The following ITPR2 variants were observed in gnomAD, a reference collection of about 807,000 sequenced individuals.
ITPR2 encodes the protein inositol 1,4,5-trisphosphate receptor type 2.
ITPR2 carries 207 observed loss-of-function variants against 317.1 expected under a neutral mutation model. That is an observed-to-expected ratio of 0.65 (90% CI 0.58 to 0.73). The LOEUF (loss-of-function observed/expected upper bound fraction) is 0.73, where lower values mean the gene tolerates loss of function less well. ITPR2 is among the 30% of genes least tolerant of loss of function. The pLI is 0.00. For synonymous variants in ITPR2, 1,156 were observed against 1,149.1 expected (o/e 1.01, Z -0.12); for missense variants, 2,613 against 3,284.0 (o/e 0.80, Z 4.99).
At chr12:26,396,543 T>A (rs373699464) in intron 54 of ITPR2, among the ~76,000 whole-genome samples, 1 of 152,206 alleles carries the variant, frequency 6.6e-6, no homozygotes, top group East Asian at 1.9e-4. Flanking sequence ...GTTGTTGGTG[T>A]GTGCTCCTCT....
chr12:26,788,555 T>G (rs1026122258), intron 2 of ITPR2, among the ~76,000 whole-genome samples: 1 of 152,186 alleles, frequency 6.6e-6, no homozygotes, highest in Non-Finnish European at 1.5e-5. Context: ...TTATTTACCA[T>G]CACTACTCTG....
In ITPR2 at chr12:26,580,139, GT is replaced by G. The variant is rs1396102841; in HGVS notation, c.4396del (p.Thr1466GlnfsTer18). On this transcript the variant is annotated frameshift_variant, in exon 33 of 57. Transcript: ENST00000381340. LOFTEE classifies it high-confidence loss of function. ...AAAGATGTCTGCATGTTTCCTGTCT[GT>G]AGTTGTGTTGCAAACCTGGAGAGAA... ...VDMARVCNTT[T>X]DRKHADIFLE... is the part of the protein sequence containing the mutation. 1 of 1,611,528 alleles carries G rather than the reference GT, an allele frequency of 6.2e-7. No homozygotes were observed. The highest frequency in any genetic ancestry group is 1.1e-5 in the South Asian group (1 of 90,654).
chr12:26,473,787 A>C (rs1256065425), intron 45 of ITPR2, among the ~76,000 whole-genome samples: 2 of 152,176 alleles, frequency 1.3e-5, no homozygotes, highest in African/African-American at 4.8e-5. Context: ...ACTTTGTGTC[A>C]CATGGCTTCT....
intron 2 of ITPR2, among the ~76,000 whole-genome samples, chr12:26,781,996 A>G (rs1313142398): frequency 2.2e-4 from 2 of 9,242 alleles, no homozygotes; most frequent in East Asian, 0.014. Context: ...TCCCCTGTAT[A>G]TATATATATA....
At chr12:26,615,312 T>C (rs1458165866) in intron 26 of ITPR2, among the ~76,000 whole-genome samples, 1 of 151,928 alleles carries the variant, frequency 6.6e-6, no homozygotes, top group Non-Finnish European at 1.5e-5. Flanking sequence ...ACCAAATATA[T>C]TTGAAAAAAC....
At chr12:26,700,227 A>C (rs930759868) in intron 9 of ITPR2, among the ~76,000 whole-genome samples, 10 of 152,342 alleles carry the variant, frequency 6.6e-5, no homozygotes, top group African/African-American at 2.4e-4. Context: ...CAAATTATTC[A>C]TGGAGAAGGT....
intron 43 of ITPR2, among the ~76,000 whole-genome samples, chr12:26,480,405 G>C (rs1049219102): frequency 6.6e-6 from 1 of 152,124 alleles, no homozygotes; most frequent in African/African-American, 2.4e-5. Context: ...ACAACTTTTA[G>C]AAAGAAGAGA....
chr12:26,712,020 G>A (rs985408995), intron 8 of ITPR2, among the ~76,000 whole-genome samples: 5 of 152,182 alleles, frequency 3.3e-5, no homozygotes, highest in Non-Finnish European at 5.9e-5. Context: ...AATGAATGCA[G>A]TAGAAGCTCT....
chr12:26,526,024 C>A (rs1943801640), intron 37 of ITPR2, among the ~76,000 whole-genome samples: 2 of 152,158 alleles, frequency 1.3e-5, no homozygotes, highest in Non-Finnish European at 2.9e-5. Flanking sequence ...ACTTTATCTC[C>A]AGCTCTTTGC....
At chr12:26,721,423 C>A in intron 5 of ITPR2, 1 of 459,784 alleles carries the variant, frequency 2.2e-6, no homozygotes, top group South Asian at 4.1e-5. Context: ...AAGAAATATC[C>A]AAAACACATT....
At chr12:26,655,538 C>T (rs913096304) in intron 20 of ITPR2, among the ~76,000 whole-genome samples, 170 bp downstream of exon 20, 35 of 148,708 alleles carry the variant, frequency 2.4e-4, no homozygotes, top group African/African-American at 7.0e-4. Context: ...GGCGTGAACC[C>T]GGGAGGCGGA....
intron 52 of ITPR2, among the ~76,000 whole-genome samples, chr12:26,404,976 A>G (rs1340971423): frequency 6.6e-6 from 1 of 152,146 alleles, no homozygotes; most frequent in Non-Finnish European, 1.5e-5. Flanking sequence ...TCTACTAAAA[A>G]TTCAAAAATT....
chr12:26,603,700 C>G (rs1234466166), intron 26 of ITPR2, among the ~76,000 whole-genome samples: 1 of 152,166 alleles, frequency 6.6e-6, no homozygotes, highest in Non-Finnish European at 1.5e-5. Context: ...AAGGCAAGGT[C>G]TAGAACGATG....
chr12:26,605,126 A>AAAAT lies in ITPR2; in HGVS notation c.3463-2421_3463-2420insATTT, dbSNP rs1555165395. ...ATAAAAATAAAAAATAAAAAATAAA[A>AAAAT]ATATATATATATATATGAGAAAGTG... On this transcript the variant is annotated intron_variant, in intron 26 of 56. Transcript: ENST00000381340. Among the ~76,000 whole-genome samples the AAAAT allele has an allele frequency of 9.0e-3, 1,226 of 136,302 alleles. 14 individuals carry two copies. The highest frequency in any genetic ancestry group is 0.013 in the Non-Finnish European group (840 of 62,256). 89.4% of individuals were successfully genotyped at this position (136,302 alleles called of 152,430 possible).
rs928720067 is a variant in ITPR2 at position 26,831,650 on chromosome 12, T to G, written c.92+1040A>C. ...ACAGAGAAAACAAGGAAGTCCTATT[T>G]AACCATTTGGCACACTGTTTTATAT... On this transcript the variant is annotated intron_variant, in intron 1 of 56. Coordinates refer to ENST00000381340, the MANE Select transcript of ITPR2 (RefSeq NM_002223.4). This position sits in a 1 kb window ranked among gnomAD's most constrained non-coding sequence, Gnocchi z 4.9. 2.1e-5 allele frequency among the ~76,000 whole-genome samples: 3 copies of G among 141,670 alleles called. No individual in the cohort carries two copies. The highest frequency in any genetic ancestry group is 4.9e-5 in the African/African-American group (2 of 40,420). 92.9% of individuals were successfully genotyped at this position (141,670 alleles called of 152,430 possible). A position where few individuals can be genotyped will look rare whatever the true frequency, so the allele number is the denominator to read the frequency against.
rs746531672 is a variant in ITPR2 at position 26,481,224 on chromosome 12, A to G, written c.6030T>C (p.His2010=). The G allele has an allele frequency of 1.2e-6, 2 of 1,606,618 alleles. No homozygotes were observed. The highest frequency in any genetic ancestry group is 1.7e-5 in the Admixed American group (1 of 59,948). The change falls in exon 43 of 57, where the codon CAT becomes CAC. Residue 2010 remains histidine, a synonymous_variant. Coordinates refer to ENST00000381340, the MANE Select transcript of ITPR2 (RefSeq NM_002223.4). ...CHENQTCIAT[H]ESNGIDIIIA... ...TGATGATATCAATCCCATTAGACTC[A>G]TGTGTAGCGATACAGGTCTAGAAAA...
chr12:26,512,052 T>C (rs1462993511), intron 37 of ITPR2, among the ~76,000 whole-genome samples: 1 of 152,136 alleles, frequency 6.6e-6, no homozygotes, highest in Non-Finnish European at 1.5e-5. Context: ...TCTTTTGCTC[T>C]TGCTTTACCT....
intron 10 of ITPR2, among the ~76,000 whole-genome samples, chr12:26,688,426 G>C (rs373426153): frequency 1.3e-5 from 2 of 151,618 alleles, no homozygotes; most frequent in Admixed American, 6.6e-5. Context: ...AAAAATTTAA[G>C]AGAGAGAAAG....
intron 8 of ITPR2, among the ~76,000 whole-genome samples, chr12:26,714,552 A>C (rs1400828128): frequency 6.6e-6 from 1 of 152,156 alleles, no homozygotes; most frequent in Non-Finnish European, 1.5e-5. Flanking sequence ...GTATATAAAT[A>C]ATATTACCTA....
Sources: gnomAD v4.1 joint callset for allele counts (sites outside exome capture counted in the v4.1 genomes callset) on GRCh38, gnomAD v4.1.1 for gene constraint, Gnocchi (gnomAD v3.1) non-coding constraint, MANE v1.5 for transcripts, NCBI Gene and HGNC (gene_info 2026-07-23, HGNC 2026-07-21) for gene names.